SAMMSON: variants seen among roughly 807,000 people sequenced by gnomAD.
SAMMSON encodes the protein survival associated mitochondrial melanoma specific oncogenic non-coding RNA, also known as long intergenic non-protein coding RNA 1212.
At chr3:70,296,234 A>G (rs1702288016) in intron 7 of SAMMSON, among the ~76,000 whole-genome samples, 1 of 152,250 alleles carries the variant, frequency 6.6e-6, no homozygotes, top group South Asian at 2.1e-4. Context: ...GCCCCCAAAT[A>G]AGTTGTAGTT....
chr3:70,051,389 A>G (rs1230100626), intron 3 of SAMMSON, among the ~76,000 whole-genome samples: 2 of 148,336 alleles, frequency 1.3e-5, no homozygotes, highest in African/African-American at 4.9e-5. Flanking sequence ...AAGATTGGAA[A>G]TCATATATAA....
At chr3:70,208,385 T>C (rs1438527983) in intron 4 of SAMMSON, among the ~76,000 whole-genome samples, 1 of 152,100 alleles carries the variant, frequency 6.6e-6, no homozygotes, top group Non-Finnish European at 1.5e-5. Flanking sequence ...TATTTCCCTT[T>C]CCAAGGTTGT....
intron 4 of SAMMSON, among the ~76,000 whole-genome samples, chr3:70,178,432 A>G (rs1486492885): frequency 6.6e-6 from 1 of 152,188 alleles, no homozygotes; most frequent in Non-Finnish European, 1.5e-5. Flanking sequence ...AGAATATAGC[A>G]AGCCTCATAA....
intron 1 of SAMMSON, among the ~76,000 whole-genome samples, chr3:70,010,416 T>A (rs554706551): frequency 3.9e-5 from 6 of 152,302 alleles, no homozygotes; most frequent in South Asian, 2.1e-4. Flanking sequence ...TCTCTTTTGA[T>A]CTTTGTTGGT....
At chr3:70,122,871 C>T (rs1354801347) in intron 4 of SAMMSON, among the ~76,000 whole-genome samples, 1 of 152,162 alleles carries the variant, frequency 6.6e-6, no homozygotes, top group African/African-American at 2.4e-5. Context: ...ATTTTTCCAA[C>T]CTTACTGTTC....
intron 7 of SAMMSON, among the ~76,000 whole-genome samples, chr3:70,344,502 C>T (rs1182384855): frequency 6.6e-6 from 1 of 152,196 alleles, no homozygotes; most frequent in Non-Finnish European, 1.5e-5. Flanking sequence ...TCCTTCAAGT[C>T]TGCATGCAAC....
At chr3:70,290,952 C>A (rs2106692836) in intron 6 of SAMMSON, among the ~76,000 whole-genome samples, 1 of 152,284 alleles carries the variant, frequency 6.6e-6, no homozygotes, top group African/African-American at 2.4e-5. Flanking sequence ...GACCTGAGCC[C>A]ACTGTCTGGC....
At chr3:70,233,119 G>A (rs1439344221) in intron 4 of SAMMSON, among the ~76,000 whole-genome samples, 1 of 152,204 alleles carries the variant, frequency 6.6e-6, no homozygotes, top group African/African-American at 2.4e-5. Context: ...AACCTGGGAG[G>A]CAGAGTTTGC....
intron 4 of SAMMSON, chr3:70,095,961 T>C (rs1466268790): frequency 6.6e-6 from 1 of 152,186 alleles, no homozygotes; most frequent in East Asian, 1.9e-4. Context: ...TGTTTATTTT[T>C]CCACAGTTTC....
chr3:70,309,192 G>A (rs1405864872), intron 7 of SAMMSON, among the ~76,000 whole-genome samples: 1 of 152,114 alleles, frequency 6.6e-6, no homozygotes, highest in Non-Finnish European at 1.5e-5. Context: ...AAAGACCGAG[G>A]TTGGAGATTC....
At chr3:70,402,927 G>A (rs1701152309) in intron 2 of SAMMSON, among the ~76,000 whole-genome samples, 1 of 151,802 alleles carries the variant, frequency 6.6e-6, no homozygotes, top group African/African-American at 2.4e-5. Flanking sequence ...TACCACATAT[G>A]TGTGTATATA....
chr3:70,089,572 T>C (rs2067298236), intron 4 of SAMMSON, among the ~76,000 whole-genome samples: 1 of 151,814 alleles, frequency 6.6e-6, no homozygotes, highest in Non-Finnish European at 1.5e-5. Flanking sequence ...TGATGGGTGT[T>C]GGACTCCCAG....
intron 2 of SAMMSON, among the ~76,000 whole-genome samples, chr3:70,428,458 C>T (rs188122377): frequency 1.4e-3 from 219 of 152,142 alleles, no homozygotes; most frequent in African/African-American, 5.0e-3. Context: ...TTTCTGATAA[C>T]GGAGCAAAGA....
At chr3:70,186,220 A>G (rs1329830179) in intron 4 of SAMMSON, among the ~76,000 whole-genome samples, 1 of 152,114 alleles carries the variant, frequency 6.6e-6, no homozygotes, top group Non-Finnish European at 1.5e-5. Flanking sequence ...ATTGTATAAA[A>G]AAAACAAATC....
intron 3 of SAMMSON, chr3:70,013,835 T>G (rs1014249702): frequency 6.6e-6 from 1 of 152,130 alleles, no homozygotes; most frequent in Non-Finnish European, 1.5e-5. Flanking sequence ...AGAAAAGACA[T>G]TACTGCGCCT....
intron 4 of SAMMSON, among the ~76,000 whole-genome samples, chr3:70,231,156 T>C (rs186734563): frequency 1.1e-4 from 16 of 152,308 alleles, no homozygotes; most frequent in Admixed American, 9.2e-4. Context: ...TGAAAAATAT[T>C]ATTGCCTGAC....
intron 4 of SAMMSON, among the ~76,000 whole-genome samples, chr3:70,246,763 G>A (rs1177389653): frequency 6.6e-6 from 1 of 151,946 alleles, no homozygotes; most frequent in Admixed American, 6.6e-5. Context: ...TCTTTATAAA[G>A]TAGACTATCA....
intron 7 of SAMMSON, among the ~76,000 whole-genome samples, chr3:70,344,557 G>A (rs185187735): frequency 4.9e-4 from 74 of 152,334 alleles, no homozygotes; most frequent in Admixed American, 2.9e-3. Context: ...TATGAAGAGG[G>A]CACTGAGCTG....
chr3:70,422,986 CAG>C (rs1701324199), intron 2 of SAMMSON, among the ~76,000 whole-genome samples: 1 of 151,478 alleles, frequency 6.6e-6, no homozygotes, highest in Non-Finnish European at 1.5e-5. Context: ...ATAAAATTCA[CAG>C]AGTCACTTAT....
Sources: gnomAD v4.1 joint callset for allele counts (sites outside exome capture counted in the v4.1 genomes callset) on GRCh38, gnomAD v4.1.1 for gene constraint, MANE v1.5 for transcripts, NCBI Gene and HGNC (gene_info 2026-07-23, HGNC 2026-07-21) for gene names.